Variants in LRRTM4 observed in about 807,000 individuals in gnomAD.
The protein encoded by LRRTM4 is leucine rich repeat transmembrane neuronal 4.
Under a neutral mutation model 47.6 loss-of-function variants are expected in LRRTM4, and 25 were observed. The observed-to-expected ratio is 0.53, with a 90% CI of 0.38 to 0.73. The LOEUF is 0.73. Among genes scored for constraint, LRRTM4 ranks in the 30% least tolerant of loss-of-function variants. The pLI is 0.00. For synonymous variants in LRRTM4, 311 were observed against 269.5 expected (o/e 1.15, Z -1.51); for missense variants, 638 against 713.4 (o/e 0.89, Z 1.20).
chr2:77,168,912 G>A (rs1046834316), intron 3 of LRRTM4, among the ~76,000 whole-genome samples: 15 of 152,048 alleles, frequency 9.9e-5, no homozygotes, highest in South Asian at 2.1e-4. Flanking sequence ...AGGGATGCAA[G>A]GATGGTTTAA....
At chr2:76,820,010 A>G (rs1457241884) in intron 3 of LRRTM4, among the ~76,000 whole-genome samples, 1 of 151,932 alleles carries the variant, frequency 6.6e-6, no homozygotes, top group East Asian at 1.9e-4. Context: ...TGGATCCCAC[A>G]TGTTCTTACA....
chr2:76,920,759 A>C (rs1558739303), intron 3 of LRRTM4, among the ~76,000 whole-genome samples: 2 of 152,208 alleles, frequency 1.3e-5, no homozygotes, highest in South Asian at 2.1e-4. Context: ...TAGATTCTCA[A>C]CAAATCTTCT....
chr2:76,866,739 C>G (rs530944738), intron 3 of LRRTM4, among the ~76,000 whole-genome samples: 2 of 152,276 alleles, frequency 1.3e-5, no homozygotes, highest in Admixed American at 6.5e-5. Context: ...TTTACCCAGT[C>G]TATCATTGAT....
intron 3 of LRRTM4, among the ~76,000 whole-genome samples, chr2:77,182,184 A>G (rs763888000): frequency 2.6e-5 from 4 of 152,348 alleles, no homozygotes; most frequent in Non-Finnish European, 4.4e-5. Context: ...ATGCCCATCA[A>G]TGATAGACTG....
intron 3 of LRRTM4, among the ~76,000 whole-genome samples, chr2:77,469,836 A>T (rs1344534299): frequency 6.6e-6 from 1 of 151,998 alleles, no homozygotes; most frequent in Non-Finnish European, 1.5e-5. Flanking sequence ...AGTACTTCAT[A>T]CTCTTGATGA....
At chr2:76,900,312 T>C (rs1265430883) in intron 3 of LRRTM4, among the ~76,000 whole-genome samples, 2 of 148,432 alleles carry the variant, frequency 1.3e-5, no homozygotes, top group Admixed American at 1.4e-4. Context: ...GGGATACTGA[T>C]ATATATAGTT....
chr2:77,460,161 T>A (rs1676732183), intron 3 of LRRTM4, among the ~76,000 whole-genome samples: 1 of 152,152 alleles, frequency 6.6e-6, no homozygotes, highest in Admixed American at 6.6e-5. Context: ...ACACACATTT[T>A]GTATGTGTTT....
intron 3 of LRRTM4, among the ~76,000 whole-genome samples, chr2:77,239,899 TGTTA>T (rs1184647965): frequency 1.3e-5 from 2 of 152,006 alleles, no homozygotes; most frequent in Admixed American, 6.6e-5. Flanking sequence ...GAACATTATT[TGTTA>T]TTCACCTTAT....
intron 3 of LRRTM4, among the ~76,000 whole-genome samples, chr2:77,472,876 A>G (rs1439003805): frequency 6.6e-6 from 1 of 152,140 alleles, no homozygotes; most frequent in Non-Finnish European, 1.5e-5. Context: ...AATGAATTAA[A>G]CAAGTCAATA....
At position 76,776,118 on chromosome 2, in the gene LRRTM4, C is replaced by T. The variant is rs558422080; in HGVS notation, c.1552-27202G>A. On this transcript the variant is annotated intron_variant, in intron 3 of 3. Coordinates refer to ENST00000409884, the MANE Select transcript of LRRTM4 (RefSeq NM_001134745.3). ...TTTTTTATGGCTGCATAGTATTCCACGGTGTATATGTCCCACATTTTCTTA... is the reference window on the plus strand; with the variant it reads ...TTTTTTATGGCTGCATAGTATTCCATGGTGTATATGTCCCACATTTTCTTA... Among the ~76,000 whole-genome samples the T allele has an allele frequency of 6.9e-3, 1,051 of 152,238 alleles. 11 individuals carry two copies. Among genetic ancestry groups the T allele is most frequent in the South Asian group, 0.022 (108 of 4,830 alleles).
chr2:76,884,010 G>C (rs1351073914), intron 3 of LRRTM4, among the ~76,000 whole-genome samples: 1 of 151,172 alleles, frequency 6.6e-6, no homozygotes, highest in Non-Finnish European at 1.5e-5. Context: ...GGTAGAACTG[G>C]GGTCTCGCTA....
intron 3 of LRRTM4, among the ~76,000 whole-genome samples, chr2:76,786,342 T>C (rs1674669914): frequency 6.6e-6 from 1 of 151,830 alleles, no homozygotes; most frequent in South Asian, 2.1e-4. Context: ...AAGCAAAAAA[T>C]AAAAATAAAA....
At chr2:77,123,222 A>AGG (rs1303335057) in intron 3 of LRRTM4, among the ~76,000 whole-genome samples, 1 of 151,556 alleles carries the variant, frequency 6.6e-6, no homozygotes, top group African/African-American at 2.4e-5. Flanking sequence ...ACAGAGAGAG[A>AGG]GAGAGAGAGA....
chr2:76,956,990 C>T (rs746942380), intron 3 of LRRTM4, among the ~76,000 whole-genome samples: 26 of 151,554 alleles, frequency 1.7e-4, no homozygotes, highest in Admixed American at 4.0e-4. Context: ...GCATTACTAA[C>T]AATAAACAAG....
chr2:76,934,543 G>A (rs1020873785), intron 3 of LRRTM4, among the ~76,000 whole-genome samples: 1 of 152,026 alleles, frequency 6.6e-6, no homozygotes, highest in South Asian at 2.1e-4. Flanking sequence ...ATTTCTCCAG[G>A]CAAAAAAATT....
intron 3 of LRRTM4, among the ~76,000 whole-genome samples, chr2:76,831,225 CAA>C (rs764029182): frequency 6.6e-6 from 1 of 152,020 alleles, no homozygotes; most frequent in Non-Finnish European, 1.5e-5. Context: ...GTGAAATGAA[CAA>C]AGACACAAAC....
At chr2:77,470,522 G>A (rs1226711781) in intron 3 of LRRTM4, among the ~76,000 whole-genome samples, 3 of 152,280 alleles carry the variant, frequency 2.0e-5, no homozygotes, top group Admixed American at 6.5e-5. Context: ...TGAGCAGAAA[G>A]GTGAATCAGT....
chr2:76,772,474 T>G (rs1673753730), intron 3 of LRRTM4, among the ~76,000 whole-genome samples: 1 of 152,194 alleles, frequency 6.6e-6, no homozygotes, highest in Admixed American at 6.5e-5. Context: ...ACTAAAATAA[T>G]AGAAAATAAA....
intron 3 of LRRTM4, among the ~76,000 whole-genome samples, chr2:76,931,636 T>G (rs1289929521): frequency 6.6e-6 from 1 of 152,150 alleles, no homozygotes; most frequent in African/African-American, 2.4e-5. Context: ...ATTGGCTGGC[T>G]GGATACACAT....
Sources: gnomAD v4.1 joint callset for allele counts (sites outside exome capture counted in the v4.1 genomes callset) on GRCh38, gnomAD v4.1.1 for gene constraint, MANE v1.5 for transcripts, NCBI Gene and HGNC (gene_info 2026-07-23, HGNC 2026-07-21) for gene names.